Variants in ANP32B observed in about 807,000 individuals in gnomAD.
ANP32B encodes acidic nuclear phosphoprotein 32 family member B, also known as acidic leucine-rich nuclear phosphoprotein 32 family member B.
In ANP32B, 6 loss-of-function variants were observed where a neutral mutation model predicts 32.2. The observed-to-expected ratio is 0.19, with a 90% CI of 0.10 to 0.37. The LOEUF (loss-of-function observed/expected upper bound fraction) is 0.37, where lower values mean the gene tolerates loss of function less well. ANP32B is among the 10% of genes least tolerant of loss of function. The pLI is 1.00. For missense variants in ANP32B, 204 were observed against 289.2 expected (o/e 0.71, Z 2.14); for synonymous variants, 98 against 105.8 (o/e 0.93, Z 0.45).
At chr9:98,012,396 T>C in intron 5 of ANP32B, 25 bp from the exon 6 acceptor site, 1 of 1,604,722 alleles carries the variant, frequency 6.2e-7, no homozygotes, top group South Asian at 1.1e-5. Flanking sequence ...ATTAATTTAA[T>C]GTTATGCTGT....
At chr9:97,998,729 C>A in intron 3 of ANP32B, 51 bp downstream of exon 3, 1 of 1,339,094 alleles carries the variant, frequency 7.5e-7, no homozygotes, top group Non-Finnish European at 9.8e-7. Context: ...TTTTCATTTT[C>A]ATATTTCTTT....
intron 6 of ANP32B, among the ~76,000 whole-genome samples, chr9:98,014,643 T>C (rs1055738701): frequency 1.3e-5 from 2 of 152,194 alleles, no homozygotes; most frequent in African/African-American, 4.8e-5. Context: ...CCTTTTAAAG[T>C]CAGTACCATT....
chr9:97,998,340 T>C (rs560160596), intron 2 of ANP32B, among the ~76,000 whole-genome samples: 3 of 152,252 alleles, frequency 2.0e-5, no homozygotes, highest in Non-Finnish European at 4.4e-5. Flanking sequence ...TAAGCTGTTA[T>C]TAGCAGCTGA....
intron 1 of ANP32B, among the ~76,000 whole-genome samples, chr9:97,992,001 C>A (rs568713139): frequency 1.3e-5 from 2 of 152,150 alleles, no homozygotes; most frequent in African/African-American, 2.4e-5. Context: ...TTCCTCATTC[C>A]GCAGTTATGT....
chr9:98,006,230 C>T (rs1157216615), intron 4 of ANP32B, among the ~76,000 whole-genome samples: 1 of 152,090 alleles, frequency 6.6e-6, no homozygotes, highest in East Asian at 1.9e-4. Context: ...CTCATCAACC[C>T]CTATCTGTGA....
intron 4 of ANP32B, among the ~76,000 whole-genome samples, chr9:98,009,785 T>A (rs1348249874): frequency 6.6e-6 from 1 of 152,248 alleles, no homozygotes; most frequent in Non-Finnish European, 1.5e-5. Context: ...CTTTAAAAAT[T>A]AGCACATATG....
chr9:98,014,903 C>T (rs1828249113), intron 6 of ANP32B, among the ~76,000 whole-genome samples: 1 of 152,178 alleles, frequency 6.6e-6, no homozygotes, highest in South Asian at 2.1e-4. Flanking sequence ...CAGGTACATG[C>T]CACCATGCCT....
At chr9:98,007,602 T>C (rs1010316963) in intron 4 of ANP32B, among the ~76,000 whole-genome samples, 31 of 152,216 alleles carry the variant, frequency 2.0e-4, no homozygotes, top group African/African-American at 7.5e-4. Context: ...TCAGGAAAAC[T>C]GAATTGGTCA....
At chr9:97,994,802 G>T in intron 2 of ANP32B, 22 bp downstream of exon 2, 1 of 1,570,786 alleles carries the variant, frequency 6.4e-7, no homozygotes, top group South Asian at 1.2e-5. Flanking sequence ...TTCTTTAACA[G>T]TAAAAGAGAA....
intron 4 of ANP32B, among the ~76,000 whole-genome samples, chr9:98,011,023 C>G (rs567966738): frequency 9.6e-4 from 146 of 152,142 alleles, no homozygotes; most frequent in Non-Finnish European, 1.8e-3. Context: ...TGAAGCAAAT[C>G]TTAGCCATTG....
chr9:98,010,765 T>C (rs1828169508), intron 4 of ANP32B, among the ~76,000 whole-genome samples: 1 of 152,024 alleles, frequency 6.6e-6, no homozygotes, highest in African/African-American at 2.4e-5. Flanking sequence ...ACAGGGTTAT[T>C]ATGGGTGTTT....
Position 98,015,580 on chromosome 9 carries a change from A to C in ANP32B, c.*149A>C, listed in dbSNP as rs1278880147. The C allele has an allele frequency of 6.6e-6, 9 of 1,370,580 alleles. No individual in the cohort carries two copies. Among genetic ancestry groups the C allele is most frequent in the African/African-American group, 2.9e-5 (2 of 67,946 alleles). 84.9% of individuals were successfully genotyped at this position (1,370,580 alleles called of 1,614,324 possible). A position where few individuals can be genotyped will look rare whatever the true frequency, so the allele number is the denominator to read the frequency against. ...AAAGAGCCAAAGAATAGTTCCTGTG[A>C]CATTCCGCCTTCCTTCCATGTAGTC... On this transcript the variant is annotated 3_prime_UTR_variant, in exon 7 of 7. Coordinates refer to ENST00000339399, the MANE Select transcript of ANP32B (RefSeq NM_006401.3).
At chr9:98,008,472 A>G (rs1285387362) in intron 4 of ANP32B, among the ~76,000 whole-genome samples, 2 of 152,264 alleles carry the variant, frequency 1.3e-5, no homozygotes, top group African/African-American at 4.8e-5. Context: ...AAGAGGATCA[A>G]CTGGTTGAGA....
At chr9:98,006,636 C>T (rs996347808) in intron 4 of ANP32B, among the ~76,000 whole-genome samples, 5 of 152,210 alleles carry the variant, frequency 3.3e-5, no homozygotes, top group Non-Finnish European at 5.9e-5. Context: ...GATTCACATT[C>T]TCCAAGCCCA....
At chr9:97,992,409 C>T (rs1214026102) in intron 1 of ANP32B, among the ~76,000 whole-genome samples, 1 of 152,128 alleles carries the variant, frequency 6.6e-6, no homozygotes, top group Non-Finnish European at 1.5e-5. Flanking sequence ...ATTTTTTAAC[C>T]TGCATTTGAG....
intron 4 of ANP32B, among the ~76,000 whole-genome samples, chr9:98,007,508 G>A (rs1828106840): frequency 6.6e-6 from 1 of 152,354 alleles, no homozygotes; most frequent in African/African-American, 2.4e-5. Context: ...TCAGGAGGAT[G>A]TGCATGAGAC....
At chr9:97,993,534 C>G (rs1006302899) in intron 1 of ANP32B, among the ~76,000 whole-genome samples, 1 of 152,100 alleles carries the variant, frequency 6.6e-6, no homozygotes, top group Non-Finnish European at 1.5e-5. Context: ...TAAAAAGTTG[C>G]AAGTTTCAGG....
intron 5 of ANP32B, 80 bp from the exon 6 acceptor site, chr9:98,012,341 T>C: frequency 6.6e-7 from 1 of 1,509,066 alleles, no homozygotes; most frequent in Non-Finnish European, 9.0e-7. Flanking sequence ...TTGTACTTCT[T>C]AGTTTGGCAG....
At position 98,004,003 on chromosome 9, in the gene ANP32B, C is replaced by G. The variant is rs140226168; in HGVS notation, c.328-961C>G. On this transcript the variant is annotated intron_variant, in intron 3 of 6. Transcript: ENST00000339399. ...GTCACTTCCTGTTGCTGTCTCCTGA[C>G]TTGCCTATAGTGTAGTACCTCTGCC... Among the ~76,000 whole-genome samples, 3 of 152,328 alleles carry G rather than the reference C, an allele frequency of 2.0e-5. 1 individual carries two copies. The East Asian group carries it at 5.8e-4, about 29-fold the overall frequency.
Sources: gnomAD v4.1 joint callset for allele counts (sites outside exome capture counted in the v4.1 genomes callset) on GRCh38, gnomAD v4.1.1 for gene constraint, MANE v1.5 for transcripts, NCBI Gene and HGNC (gene_info 2026-07-23, HGNC 2026-07-21) for gene names.